Variants in PDE10A observed in about 807,000 individuals in gnomAD.
PDE10A encodes cAMP and cAMP-inhibited cGMP 3',5'-cyclic phosphodiesterase 10A.
A neutral mutation model predicts 97.7 loss-of-function variants in PDE10A; 39 were observed. The ratio of observed to expected loss-of-function variants is 0.40; its 90% confidence interval spans 0.31 to 0.52. The LOEUF is 0.52. PDE10A is among the 20% of genes least tolerant of loss of function. The pLI is 0.56. For missense variants in PDE10A, 731 were observed against 1,047.8 expected, an observed-to-expected ratio of 0.70 and a Z score of 4.17; for synonymous variants, 371 against 376.8, an observed-to-expected ratio of 0.98 and a Z score of 0.18.
At chr6:165,897,205 G>T (rs1368236987) in intron 1 of PDE10A, among the ~76,000 whole-genome samples, 1 of 152,186 alleles carries the variant, frequency 6.6e-6, no homozygotes, top group Non-Finnish European at 1.5e-5. Flanking sequence ...GAAGTGCTTT[G>T]GTGGAAACAG....
At chr6:165,849,303 G>T (rs1307286662) in intron 1 of PDE10A, among the ~76,000 whole-genome samples, 1 of 152,180 alleles carries the variant, frequency 6.6e-6, no homozygotes, top group African/African-American at 2.4e-5. Flanking sequence ...CTAAGTCTAT[G>T]AAAAACATTG....
chr6:165,686,675 A>G (rs958388629), intron 1 of PDE10A, among the ~76,000 whole-genome samples: 10 of 152,226 alleles, frequency 6.6e-5, no homozygotes, highest in African/African-American at 2.4e-4. Context: ...TTTGCTTCCA[A>G]CATTTTTTGG....
intron 3 of PDE10A, among the ~76,000 whole-genome samples, chr6:165,462,257 A>G (rs1305827789): frequency 6.6e-6 from 1 of 152,222 alleles, no homozygotes; most frequent in Non-Finnish European, 1.5e-5. Context: ...CAAAAGGGGG[A>G]AATAGAGAAT....
intron 1 of PDE10A, among the ~76,000 whole-genome samples, chr6:165,563,504 T>C (rs915341320): frequency 6.6e-6 from 1 of 152,104 alleles, no homozygotes; most frequent in Admixed American, 6.5e-5. Context: ...CACCTATTTA[T>C]CTAACATATA....
chr6:165,371,747 T>C (rs1331770496), intron 18 of PDE10A, among the ~76,000 whole-genome samples: 7 of 151,852 alleles, frequency 4.6e-5, no homozygotes, highest in Admixed American at 4.6e-4. Context: ...ATCATCCTGA[T>C]ACCAAAGCCG....
intron 1 of PDE10A, among the ~76,000 whole-genome samples, chr6:165,903,216 G>A (rs951339011): frequency 6.6e-6 from 1 of 152,178 alleles, no homozygotes; most frequent in African/African-American, 2.4e-5. Context: ...TGCATTGGGA[G>A]CTCATTGGAA....
chr6:165,454,717 T>C (rs920783025), intron 3 of PDE10A, among the ~76,000 whole-genome samples: 5 of 152,198 alleles, frequency 3.3e-5, no homozygotes, highest in African/African-American at 1.2e-4. Flanking sequence ...AAATTTATTT[T>C]ATTTATAAAT....
chr6:165,811,167 G>C (rs530313765), intron 1 of PDE10A, among the ~76,000 whole-genome samples: 2 of 152,320 alleles, frequency 1.3e-5, no homozygotes, highest in South Asian at 4.1e-4. Context: ...AGGATGCAGT[G>C]AGCCAAGATT....
chr6:165,392,670 A>C lies in PDE10A; in HGVS notation c.2430T>G (p.Asn810Lys). 6.2e-7 allele frequency: 1 copy of C among 1,613,942 alleles called. No individual in the cohort carries two copies. The highest frequency in any genetic ancestry group is 8.5e-7 in the Non-Finnish European group (1 of 1,179,862). The stretch of plus-strand genomic sequence containing the variant: ...CCTCAAGGTCTGTGAAAAGCGTGTG[A>C]TTGTTCTGAAGTATGGCATACATGC... ...AHCMYAILQN[N>K]HTLFTDLERK... The change falls in exon 16 of 22, where the codon AAT (asparagine) becomes AAG (lysine). Residue 810 changes from asparagine (N) to lysine (K), a missense_variant. By Grantham distance (94) the Asn-to-Lys change is moderately conservative (BLOSUM62 0). Coordinates refer to ENST00000539869, the MANE Select transcript of PDE10A (RefSeq NM_001385079.1).
intron 3 of PDE10A, among the ~76,000 whole-genome samples, chr6:165,452,271 G>A (rs1003837848): frequency 6.6e-6 from 1 of 152,216 alleles, no homozygotes; most frequent in Non-Finnish European, 1.5e-5. Flanking sequence ...GACAAGGTGG[G>A]TATTGTCAGC....
chr6:165,718,648 TC>T (rs1240392883), intron 1 of PDE10A, among the ~76,000 whole-genome samples: 2 of 150,276 alleles, frequency 1.3e-5, no homozygotes, highest in African/African-American at 2.4e-5. Context: ...CCCCACCTTT[TC>T]CCCCCGGACG....
intron 1 of PDE10A, among the ~76,000 whole-genome samples, chr6:165,925,004 GCA>G (rs142866443): frequency 0.15 from 22,216 of 151,982 alleles, 1,857 homozygotes; most frequent in East Asian, 0.26. Flanking sequence ...GGAAATGTTG[GCA>G]CACCTCATGT....
At chr6:165,643,273 G>A (rs897719859) in intron 1 of PDE10A, among the ~76,000 whole-genome samples, 1 of 148,704 alleles carries the variant, frequency 6.7e-6, no homozygotes, top group Admixed American at 6.7e-5. Flanking sequence ...ATGGAGAGAC[G>A]AGCAGACAGA....
intron 1 of PDE10A, among the ~76,000 whole-genome samples, chr6:165,821,901 GT>G (rs11316149): frequency 0.51 from 77,335 of 151,352 alleles, 21,448 homozygotes; most frequent in East Asian, 0.88. Flanking sequence ...GAGGTGCCGG[GT>G]TTTTTTTTCC....
Position 165,416,114 on chromosome 6 carries a change from TC to T in PDE10A, c.1889+74del, listed in dbSNP as rs1285259025. Reference sequence around the variant, plus strand: ...GAATTGGGACGTGGAGAACTCAGGCTCCACGGAAGAGGTTTCAGCTGAGTGG... The same window carrying T: ...GAATTGGGACGTGGAGAACTCAGGCTCACGGAAGAGGTTTCAGCTGAGTGG... On this transcript the variant is annotated intron_variant, in intron 12 of 21. Transcript: ENST00000539869. 4 of 949,246 alleles carry T rather than the reference TC, an allele frequency of 4.2e-6. No homozygotes were observed. In the African/African-American group the frequency reaches 6.5e-5, roughly 15 times the overall value. 58.8% of individuals were successfully genotyped at this position (949,246 alleles called of 1,614,324 possible). A position where few individuals can be genotyped will look rare whatever the true frequency, so the allele number is the denominator to read the frequency against.
intron 1 of PDE10A, among the ~76,000 whole-genome samples, chr6:165,825,708 C>T (rs1343247940): frequency 6.6e-6 from 1 of 152,218 alleles, no homozygotes; most frequent in African/African-American, 2.4e-5. Context: ...AGCCATGGCT[C>T]CTGTGCCTTG....
At chr6:165,536,973 T>A (rs1783125871) in intron 2 of PDE10A, among the ~76,000 whole-genome samples, 1 of 152,006 alleles carries the variant, frequency 6.6e-6, no homozygotes, top group Admixed American at 6.5e-5. Flanking sequence ...AATCAGCATA[T>A]CAAAGATATA....
At chr6:165,761,117 G>A (rs887207894) in intron 1 of PDE10A, among the ~76,000 whole-genome samples, 12 of 152,150 alleles carry the variant, frequency 7.9e-5, no homozygotes, top group African/African-American at 2.4e-4. Flanking sequence ...TGGGAAACCC[G>A]CTAGCAGGAC....
intron 1 of PDE10A, among the ~76,000 whole-genome samples, chr6:165,910,389 A>G (rs1015028663): frequency 7.9e-5 from 12 of 152,362 alleles, no homozygotes; most frequent in African/African-American, 2.9e-4. Flanking sequence ...TCAGATAGTC[A>G]AACCGCATCT....
Sources: gnomAD v4.1 joint callset for allele counts (sites outside exome capture counted in the v4.1 genomes callset) on GRCh38, gnomAD v4.1.1 for gene constraint, MANE v1.5 for transcripts, NCBI Gene and HGNC (gene_info 2026-07-23, HGNC 2026-07-21) for gene names.